MYO16: variants seen among roughly 807,000 people sequenced by gnomAD.
MYO16 encodes the protein unconventional myosin-XVI.
MYO16 carries 94 observed loss-of-function variants against 205.3 expected under a neutral mutation model. The observed-to-expected ratio is 0.46, with a 90% CI of 0.39 to 0.54. The LOEUF is 0.54. MYO16 is among the 20% of genes least tolerant of loss of function. MYO16 has a pLI of 0.00. For missense variants in MYO16, 2,315 were observed against 2,387.5 expected (o/e 0.97, Z 0.63); for synonymous variants, 988 against 954.0 (o/e 1.04, Z -0.66).
intron 9 of MYO16, among the ~76,000 whole-genome samples, chr13:108,827,868 C>T (rs901578078): frequency 2.6e-5 from 4 of 152,156 alleles, no homozygotes; most frequent in South Asian, 2.1e-4. Flanking sequence ...GGTTTTTCAT[C>T]ACTGAGCAGT....
chr13:109,136,958 C>T (rs1396449686), intron 31 of MYO16, among the ~76,000 whole-genome samples: 2 of 152,208 alleles, frequency 1.3e-5, no homozygotes, highest in Admixed American at 1.3e-4. Context: ...TATTATATCT[C>T]TCATGGTTCT....
At chr13:108,817,889 A>G (rs1385091274) in intron 7 of MYO16, among the ~76,000 whole-genome samples, 1 of 152,218 alleles carries the variant, frequency 6.6e-6, no homozygotes, top group Non-Finnish European at 1.5e-5. Flanking sequence ...AAGACATACA[A>G]TGACCATTTT....
chr13:108,791,486 A>G lies in MYO16; in HGVS notation c.617-2030A>G, dbSNP rs113793068. 5.1e-3 allele frequency among the ~76,000 whole-genome samples: 771 copies of G among 152,316 alleles called. 5 individuals carry two copies. Among genetic ancestry groups the G allele is most frequent in the African/African-American group, 0.018 (728 of 41,568 alleles). The stretch of plus-strand genomic sequence containing the variant: ...TATGTTTTATGTGTTTTAACTTACT[A>G]TCAAGCAACGGACAAATCAAATACT... On this transcript the variant is annotated intron_variant, in intron 5 of 34. Transcript: ENST00000457511.
At chr13:109,115,102 T>C (rs985256589) in intron 28 of MYO16, among the ~76,000 whole-genome samples, 1 of 151,766 alleles carries the variant, frequency 6.6e-6, no homozygotes, top group Non-Finnish European at 1.5e-5. Flanking sequence ...CACTCAGCAC[T>C]CCTAAAAATT....
intron 20 of MYO16, among the ~76,000 whole-genome samples, chr13:108,974,518 T>G (rs1164475854): frequency 6.6e-6 from 1 of 152,212 alleles, no homozygotes; most frequent in Non-Finnish European, 1.5e-5. Flanking sequence ...ATTAGAAAAC[T>G]AATACATTCT....
intron 20 of MYO16, among the ~76,000 whole-genome samples, chr13:108,990,686 A>T (rs935505829): frequency 2.6e-5 from 4 of 152,042 alleles, no homozygotes; most frequent in African/African-American, 9.7e-5. Context: ...TTTTTCTCTC[A>T]CTGTATTATA....
At chr13:108,715,347 C>A (rs552570333) in intron 3 of MYO16, among the ~76,000 whole-genome samples, 2 of 152,286 alleles carry the variant, frequency 1.3e-5, no homozygotes, top group Non-Finnish European at 2.9e-5. Context: ...GGTATAGTAA[C>A]TCACCACTGA....
intron 7 of MYO16, among the ~76,000 whole-genome samples, chr13:108,808,195 CA>C (rs1002247250): frequency 3.3e-5 from 5 of 151,844 alleles, no homozygotes; most frequent in African/African-American, 4.8e-5. Context: ...TGCATAGACA[CA>C]AAAAGTATCC....
chr13:108,745,852 A>G (rs1360838627), intron 4 of MYO16, among the ~76,000 whole-genome samples: 1 of 152,186 alleles, frequency 6.6e-6, no homozygotes, highest in Non-Finnish European at 1.5e-5. Flanking sequence ...ACTCTACTAA[A>G]GAAACCAAAG....
the MYO16 span, among the ~76,000 whole-genome samples, chr13:108,565,272 G>GT: frequency 6.6e-6 from 1 of 152,156 alleles, no homozygotes; most frequent in African/African-American, 2.4e-5. Context: ...ACTTTCAGTA[G>GT]TAGGGACATT....
chr13:108,739,671 G>T (rs2075360090), intron 4 of MYO16, among the ~76,000 whole-genome samples: 1 of 152,138 alleles, frequency 6.6e-6, no homozygotes, highest in African/African-American at 2.4e-5. Flanking sequence ...TCCTGAATTT[G>T]AATGTTGGCC....
intron 23 of MYO16, among the ~76,000 whole-genome samples, chr13:109,037,480 T>G (rs931871084): frequency 2.0e-5 from 3 of 152,110 alleles, no homozygotes; most frequent in African/African-American, 7.2e-5. Flanking sequence ...CAAGACAGAT[T>G]ACCTAGGTAA....
chr13:108,939,905 A>G (rs1434220457), intron 16 of MYO16, among the ~76,000 whole-genome samples: 1 of 152,142 alleles, frequency 6.6e-6, no homozygotes, highest in Non-Finnish European at 1.5e-5. Context: ...TATTAGCTTT[A>G]CTGTATCTGT....
At chr13:108,916,126 C>G (rs1200149964) in intron 16 of MYO16, among the ~76,000 whole-genome samples, 1 of 152,102 alleles carries the variant, frequency 6.6e-6, no homozygotes, top group East Asian at 1.9e-4. Flanking sequence ...GAAGGTGCTC[C>G]CAAGACAAAA....
At chr13:109,007,566 G>A (rs1885440707) in intron 21 of MYO16, among the ~76,000 whole-genome samples, 1 of 149,594 alleles carries the variant, frequency 6.7e-6, no homozygotes, top group Non-Finnish European at 1.5e-5. Context: ...GTGTGTGTGT[G>A]TGTGTGTGTG....
At chr13:108,776,691 A>C (rs1886134667) in intron 4 of MYO16, among the ~76,000 whole-genome samples, 1 of 152,192 alleles carries the variant, frequency 6.6e-6, no homozygotes, top group Admixed American at 6.5e-5. Flanking sequence ...TGCAGGTTGC[A>C]CTATAGCCTA....
chr13:108,931,617 C>A (rs1882259589), intron 16 of MYO16, among the ~76,000 whole-genome samples: 1 of 152,106 alleles, frequency 6.6e-6, no homozygotes, highest in Non-Finnish European at 1.5e-5. Flanking sequence ...CAATAAAGCA[C>A]AAATTATAAG....
intron 11 of MYO16, among the ~76,000 whole-genome samples, chr13:108,857,094 T>G (rs552393076): frequency 6.6e-6 from 1 of 152,328 alleles, no homozygotes; most frequent in East Asian, 1.9e-4. Flanking sequence ...CTTAGACTGT[T>G]TTTTTGTTTG....
chr13:108,800,846 A>G (rs1886948407), intron 6 of MYO16, among the ~76,000 whole-genome samples: 1 of 152,190 alleles, frequency 6.6e-6, no homozygotes, highest in South Asian at 2.1e-4. Flanking sequence ...CATTTTACAT[A>G]CAGATTAGTA....
Sources: gnomAD v4.1 joint callset for allele counts (sites outside exome capture counted in the v4.1 genomes callset) on GRCh38, gnomAD v4.1.1 for gene constraint, MANE v1.5 for transcripts, NCBI Gene and HGNC (gene_info 2026-07-23, HGNC 2026-07-21) for gene names.